Variants in ZNF521 observed in about 807,000 individuals in gnomAD.
ZNF521 encodes LYST-interacting protein 3.
ZNF521 carries 14 observed loss-of-function variants against 105.5 expected under a neutral mutation model. The ratio of observed to expected loss-of-function variants is 0.13; its 90% confidence interval spans 0.09 to 0.21. The LOEUF is 0.21. Ranked by LOEUF, ZNF521 falls within the 10% of genes least tolerant of loss-of-function variation. The pLI is 1.00. For missense variants in ZNF521, 1,233 were observed against 1,629.7 expected (o/e 0.76, Z 4.19); for synonymous variants, 635 against 606.0 (o/e 1.05, Z -0.70).
chr18:25,191,968 T>C (rs189300317), intron 5 of ZNF521, among the ~76,000 whole-genome samples: 2 of 152,288 alleles, frequency 1.3e-5, no homozygotes, highest in East Asian at 3.9e-4. Context: ...TCTTGTTGTA[T>C]TCTCAGGTCA....
chr18:25,195,642 A>AT (rs1302590273), intron 4 of ZNF521, among the ~76,000 whole-genome samples: 1 of 151,776 alleles, frequency 6.6e-6, no homozygotes, highest in Non-Finnish European at 1.5e-5. Flanking sequence ...TCTGACCAAC[A>AT]TAACTGGGGT....
At chr18:25,345,739 G>C (rs111660119) in intron 2 of ZNF521, among the ~76,000 whole-genome samples, 1 of 152,266 alleles carries the variant, frequency 6.6e-6, no homozygotes, top group African/African-American at 2.4e-5. Flanking sequence ...GGACTATAAT[G>C]AATTTAATGA....
At chr18:25,181,383 T>C (rs1288024676) in intron 5 of ZNF521, among the ~76,000 whole-genome samples, 1 of 152,148 alleles carries the variant, frequency 6.6e-6, no homozygotes, top group African/African-American at 2.4e-5. Flanking sequence ...AACCATAACA[T>C]GCAGCATGGA....
At chr18:25,301,621 C>T (rs528621807) in intron 3 of ZNF521, among the ~76,000 whole-genome samples, 20 of 152,188 alleles carry the variant, frequency 1.3e-4, no homozygotes, top group Non-Finnish European at 2.5e-4. Context: ...GAAAATGATG[C>T]AGCTCTCACA....
At chr18:25,348,267 T>C (rs538859228) in intron 2 of ZNF521, among the ~76,000 whole-genome samples, 1 of 152,264 alleles carries the variant, frequency 6.6e-6, no homozygotes, top group South Asian at 2.1e-4. Flanking sequence ...ACAATCCGCA[T>C]ACTCAGAACA....
At chr18:25,143,787 G>A (rs1276428426) in intron 5 of ZNF521, among the ~76,000 whole-genome samples, 2 of 152,122 alleles carry the variant, frequency 1.3e-5, no homozygotes, top group Non-Finnish European at 2.9e-5. Context: ...AATTTCACAA[G>A]ACTAGAAGCA....
intron 4 of ZNF521, among the ~76,000 whole-genome samples, chr18:25,209,721 C>A (rs940629661): frequency 6.6e-6 from 1 of 152,190 alleles, no homozygotes; most frequent in African/African-American, 2.4e-5. Flanking sequence ...CCCTTGCAAT[C>A]CAATAATACT....
intron 3 of ZNF521, among the ~76,000 whole-genome samples, chr18:25,313,359 G>C (rs899842958): frequency 4.6e-5 from 7 of 151,684 alleles, no homozygotes; most frequent in Non-Finnish European, 1.0e-4. Flanking sequence ...GCAGGATACT[G>C]ATAGTCAAGC....
At chr18:25,116,379 G>A (rs1360540923) in intron 5 of ZNF521, among the ~76,000 whole-genome samples, 1 of 152,200 alleles carries the variant, frequency 6.6e-6, no homozygotes, top group Admixed American at 6.5e-5. Flanking sequence ...GACTCCAACT[G>A]AGGGCCATTC....
chr18:25,348,201 T>C (rs568088685), intron 2 of ZNF521, among the ~76,000 whole-genome samples: 8 of 152,310 alleles, frequency 5.3e-5, no homozygotes, highest in Non-Finnish European at 1.0e-4. Context: ...CAGGTCATAA[T>C]AACACCTCTC....
At chr18:25,159,338 T>G (rs2035207100) in intron 5 of ZNF521, among the ~76,000 whole-genome samples, 1 of 152,216 alleles carries the variant, frequency 6.6e-6, no homozygotes, top group Non-Finnish European at 1.5e-5. Flanking sequence ...AAAGTTTGGA[T>G]AACCCCAGCA....
intron 5 of ZNF521, among the ~76,000 whole-genome samples, chr18:25,108,263 A>G (rs1421434673): frequency 6.6e-6 from 1 of 152,236 alleles, no homozygotes; most frequent in East Asian, 1.9e-4. Context: ...TATACAGTGC[A>G]CTGAAAATTG....
intron 3 of ZNF521, among the ~76,000 whole-genome samples, chr18:25,262,639 A>G (rs1908988747): frequency 1.3e-5 from 2 of 152,234 alleles, no homozygotes; most frequent in Non-Finnish European, 2.9e-5. Flanking sequence ...AACTATCAAA[A>G]TAATAAAGTG....
intron 5 of ZNF521, among the ~76,000 whole-genome samples, chr18:25,104,177 T>G (rs567501534): frequency 1.1e-4 from 17 of 152,296 alleles, no homozygotes; most frequent in African/African-American, 4.1e-4. Flanking sequence ...CCTATCTTTA[T>G]GACAATTTTT....
intron 5 of ZNF521, among the ~76,000 whole-genome samples, chr18:25,129,962 TTATTTCAGCAATTGAGCTCCTAGG>T (rs1228223319): frequency 6.6e-6 from 1 of 152,128 alleles, no homozygotes; most frequent in Admixed American, 6.6e-5. Flanking sequence ...TATTAACATA[TTATTTCAGCAATTGAGCTCCTAGG>T]TATTTCCCCA....
At chr18:25,142,450 C>T (rs1449488596) in intron 5 of ZNF521, among the ~76,000 whole-genome samples, 1 of 152,170 alleles carries the variant, frequency 6.6e-6, no homozygotes, top group Non-Finnish European at 1.5e-5. Flanking sequence ...GAACTGGCCT[C>T]ATTCTCAGTG....
At chr18:25,274,080 ACT>A (rs1909878533) in intron 3 of ZNF521, among the ~76,000 whole-genome samples, 1 of 152,164 alleles carries the variant, frequency 6.6e-6, no homozygotes, top group African/African-American at 2.4e-5. Context: ...GTATTTCTTC[ACT>A]TCCAAAGGGC....
At chr18:25,120,591 A>AACAAAC (rs1555636103) in intron 5 of ZNF521, among the ~76,000 whole-genome samples, 2 of 135,082 alleles carry the variant, frequency 1.5e-5, no homozygotes, top group Non-Finnish European at 1.7e-5. Flanking sequence ...CTAAAAAAAA[A>AACAAAC]AAAAAAAAAA....
At chr18:25,213,881 GT>G (rs2036236584) in intron 4 of ZNF521, among the ~76,000 whole-genome samples, 1 of 151,840 alleles carries the variant, frequency 6.6e-6, no homozygotes, top group South Asian at 2.1e-4. Context: ...TCTATATACT[GT>G]AACTTAAATT....
Sources: gnomAD v4.1 joint callset for allele counts (sites outside exome capture counted in the v4.1 genomes callset) on GRCh38, gnomAD v4.1.1 for gene constraint, MANE v1.5 for transcripts, NCBI Gene and HGNC (gene_info 2026-07-23, HGNC 2026-07-21) for gene names.